The following STK3 variants were observed in gnomAD, a reference collection of about 807,000 sequenced individuals.
STK3 encodes the protein serine/threonine kinase 3, also known as serine/threonine-protein kinase 3.
Under a neutral mutation model 58.0 loss-of-function variants are expected in STK3, and 41 were observed. The ratio of observed to expected loss-of-function variants is 0.71; its 90% CI spans 0.55 to 0.92. The LOEUF is 0.92. STK3 is among the 40% of genes least tolerant of loss of function. STK3 has a pLI of 0.00. For synonymous variants in STK3, 170 were observed against 191.0 expected (o/e 0.89, Z 0.91); for missense variants, 479 against 602.7 (o/e 0.79, Z 2.15).
chr8:98,449,405 A>G (rs1048438710), intron 1 of STK3, among the ~76,000 whole-genome samples: 2 of 152,244 alleles, frequency 1.3e-5, no homozygotes, highest in Non-Finnish European at 2.9e-5. Flanking sequence ...GTAGATATAT[A>G]CAGCATAGAA....
intron 2 of STK3, among the ~76,000 whole-genome samples, chr8:98,372,891 C>A (rs1450431975): frequency 6.6e-6 from 1 of 152,202 alleles, no homozygotes; most frequent in African/African-American, 2.4e-5. Context: ...AAAAATAACA[C>A]CATGCCCTGA....
intron 3 of STK3, among the ~76,000 whole-genome samples, chr8:98,407,358 C>A (rs972480939): frequency 1.3e-5 from 2 of 152,268 alleles, no homozygotes; most frequent in East Asian, 1.9e-4. Flanking sequence ...GTGTTCCAGG[C>A]TATTCCTACG....
At chr8:98,423,289 G>A (rs1818193450) in intron 3 of STK3, among the ~76,000 whole-genome samples, 1 of 152,272 alleles carries the variant, frequency 6.6e-6, no homozygotes, top group Non-Finnish European at 1.5e-5. Flanking sequence ...GCCTCTCTGA[G>A]GAGGTGATAT....
chr8:98,374,641 G>A (rs1051912068), intron 2 of STK3, among the ~76,000 whole-genome samples: 12 of 152,168 alleles, frequency 7.9e-5, no homozygotes, highest in African/African-American at 2.9e-4. Flanking sequence ...TGCATGCAGT[G>A]TGTGAAAAAC....
At chr8:98,820,699 G>A (rs978297925) in intron 1 of STK3, among the ~76,000 whole-genome samples, 11 of 152,084 alleles carry the variant, frequency 7.2e-5, no homozygotes, top group African/African-American at 2.7e-4. Context: ...AATAAATTCG[G>A]CTGCGCGGTA....
chr8:98,923,854 T>TGTGTGTGTGTGTGC (rs1491486943), intron 1 of STK3, among the ~76,000 whole-genome samples: 3 of 113,620 alleles, frequency 2.6e-5, no homozygotes, highest in Non-Finnish European at 3.8e-5. Context: ...TGTGTGTGTG[T>TGTGTGTGTGTGTGC]GCGCGCGCGC....
intron 8 of STK3, among the ~76,000 whole-genome samples, chr8:98,565,380 A>T (rs1416515407): frequency 6.6e-6 from 1 of 152,150 alleles, no homozygotes; most frequent in Non-Finnish European, 1.5e-5. Context: ...ATCCCAAAGA[A>T]TCATGTTTCT....
chr8:98,561,821 G>T (rs967736036), intron 8 of STK3, among the ~76,000 whole-genome samples: 6 of 151,994 alleles, frequency 3.9e-5, no homozygotes, highest in African/African-American at 1.4e-4. Context: ...TTCACAATAA[G>T]AAAACAGACA....
Position 98,790,042 on chromosome 8 carries a change from A to AG in STK3, c.27-15224_27-15223insC, listed in dbSNP as rs1426188196. ...AGACTTCATCTCAAAAAAAAAAAAA[A>AG]AAAAAGTCCAGGACTAGAGAGATTC... On this transcript the variant is annotated intron_variant, in intron 1 of 10. Transcript: ENST00000419617. 4.2e-4 allele frequency among the ~76,000 whole-genome samples: 63 copies of AG among 151,186 alleles called. No homozygotes were observed. In the South Asian group the frequency reaches 0.013, roughly 32 times the overall value.
intron 6 of STK3, among the ~76,000 whole-genome samples, chr8:98,701,935 AT>A (rs2131038956): frequency 6.6e-6 from 1 of 152,264 alleles, no homozygotes; most frequent in East Asian, 1.9e-4. Flanking sequence ...CTACTCACTA[AT>A]TTTAATCTCA....
chr8:98,864,277 ACTGT>A (rs1837050382), intron 3 of STK3, among the ~76,000 whole-genome samples: 1 of 150,410 alleles, frequency 6.6e-6, no homozygotes, highest in Non-Finnish European at 1.5e-5. Flanking sequence ...CCTCCTTCCT[ACTGT>A]CTAAAACATG....
chr8:98,730,640 T>C (rs1828106254), intron 4 of STK3, among the ~76,000 whole-genome samples: 1 of 133,588 alleles, frequency 7.5e-6, no homozygotes, highest in South Asian at 2.3e-4. Context: ...TGCTTGAACA[T>C]GGGAAGCAGA....
intron 6 of STK3, among the ~76,000 whole-genome samples, chr8:98,652,133 C>T (rs1820997169): frequency 6.6e-6 from 1 of 152,172 alleles, no homozygotes; most frequent in African/African-American, 2.4e-5. Flanking sequence ...CAGCGGATCT[C>T]TCGGCAAAAC....
chr8:98,445,113 G>C (rs1033599987), intron 1 of STK3, among the ~76,000 whole-genome samples: 2 of 152,202 alleles, frequency 1.3e-5, no homozygotes, highest in Middle Eastern at 3.4e-3. Context: ...AAAGCGTACA[G>C]TTCCACGGTT....
chr8:98,821,681 A>G (rs546218321), intron 1 of STK3, among the ~76,000 whole-genome samples: 1 of 151,976 alleles, frequency 6.6e-6, no homozygotes, highest in Non-Finnish European at 1.5e-5. Context: ...AAAAAAGTTA[A>G]AAAGAAAAAA....
intron 1 of STK3, among the ~76,000 whole-genome samples, chr8:98,907,884 G>A (rs1838978258): frequency 6.6e-6 from 1 of 151,960 alleles, no homozygotes; most frequent in Non-Finnish European, 1.5e-5. Flanking sequence ...CCTTCCTCTG[G>A]CTCTTTTTTC....
chr8:98,402,367 C>T (rs1477695404), intron 3 of STK3, among the ~76,000 whole-genome samples: 1 of 152,210 alleles, frequency 6.6e-6, no homozygotes, highest in Non-Finnish European at 1.5e-5. Context: ...GATCTAGCAT[C>T]CTAACACATT....
intron 10 of STK3, among the ~76,000 whole-genome samples, chr8:98,525,857 GTTTA>G (rs1286111521): frequency 2.6e-5 from 4 of 151,478 alleles, no homozygotes; most frequent in African/African-American, 7.3e-5. Context: ...AAGCAAAATG[GTTTA>G]TTATTACTTA....
intron 1 of STK3, among the ~76,000 whole-genome samples, chr8:98,387,420 C>T (rs1225736575): frequency 6.6e-6 from 1 of 152,186 alleles, no homozygotes; most frequent in African/African-American, 2.4e-5. Context: ...TGTATTTTCT[C>T]TTTAAAATAA....
Sources: allele counts gnomAD v4.1 joint callset (sites outside exome capture counted in the v4.1 genomes callset), GRCh38; gene constraint gnomAD v4.1.1; transcripts MANE v1.5; gene names NCBI Gene and HGNC (gene_info 2026-07-23, HGNC 2026-07-21).